The following RHBDF2 variants were observed in gnomAD, a reference collection of about 807,000 sequenced individuals.
The protein encoded by RHBDF2 is inactive rhomboid protein 2.
Under a neutral mutation model 95.2 loss-of-function variants are expected in RHBDF2, and 38 were observed. The observed-to-expected ratio is 0.40, with a 90% CI of 0.31 to 0.52. The LOEUF (loss-of-function observed/expected upper bound fraction) is 0.52, where lower values mean the gene tolerates loss of function less well. Among genes scored for constraint, RHBDF2 ranks in the 20% least tolerant of loss-of-function variants. The probability of loss-of-function intolerance (pLI) is 0.56; values close to 1 mark genes in which losing one functional copy is unlikely to be tolerated. For synonymous variants in RHBDF2, 442 were observed against 462.0 expected, an observed-to-expected ratio of 0.96 and a Z score of 0.55; for missense variants, 863 against 1,137.7, an observed-to-expected ratio of 0.76 and a Z score of 3.47.
chr17:76,480,837 C>T (rs946854320), intron 3 of RHBDF2, among the ~76,000 whole-genome samples: 4 of 152,204 alleles, frequency 2.6e-5, no homozygotes, highest in Non-Finnish European at 4.4e-5. Context: ...GAACGGGGGG[C>T]GTTAACATCG....
At chr17:76,484,887 T>G (rs4238991) in intron 2 of RHBDF2, among the ~76,000 whole-genome samples, 90,815 of 151,948 alleles carry the variant, frequency 0.6, 27,603 homozygotes, top group Middle Eastern at 0.75. Context: ...GCTGTCGGGT[T>G]AGTCACCTGA....
At chr17:76,485,875 C>T (rs1013836345) in intron 2 of RHBDF2, among the ~76,000 whole-genome samples, 1 of 152,100 alleles carries the variant, frequency 6.6e-6, no homozygotes, top group Non-Finnish European at 1.5e-5. Context: ...ATGGCCACCT[C>T]TGCATGAGTC....
chr17:76,472,406 T>A, intron 18 of RHBDF2: 1 of 580,570 alleles, frequency 1.7e-6, no homozygotes, highest in Non-Finnish European at 3.1e-6. Flanking sequence ...GGCCATTTCC[T>A]ACCGCTCGAC....
rs2073567365 is a variant in RHBDF2 at position 76,471,677 on chromosome 17, T to G, written c.2440A>C (p.Ser814Arg). 6.2e-7 allele frequency: 1 copy of G among 1,610,714 alleles called. No homozygotes were observed. Among genetic ancestry groups the G allele is most frequent in the Admixed American group, 1.7e-5 (1 of 59,746 alleles). The part of the protein sequence containing the change: ...IEHLTCFPFT[S>R]RFCEKYELDQ... ...AGCTCATACTTCTCGCAGAAGCGGC[T>G]GGTGAAGGGGAAGCAGGTGAGGTGC... The change falls in exon 19 of 19, where the codon AGC becomes CGC. Residue 814 changes from serine (S) to arginine (R), a missense_variant. This residue lies in a region of RHBDF2 where 252 missense variants were observed against 412.2 expected (regional missense o/e 0.61). Transcript: ENST00000675367.
intron 1 of RHBDF2, among the ~76,000 whole-genome samples, chr17:76,496,661 G>A (rs992322306): frequency 6.6e-6 from 1 of 152,168 alleles, no homozygotes; most frequent in Non-Finnish European, 1.5e-5. Context: ...TCATCCTCAC[G>A]GGCTGGCAAG....
chr17:76,473,404 C>T (rs1217169956), intron 15 of RHBDF2, 77 bp from the exon 16 acceptor site: 1 of 1,349,828 alleles, frequency 7.4e-7, no homozygotes, highest in Admixed American at 1.9e-5. Context: ...AGCCCAGCAC[C>T]TGGCTACAGG....
chr17:76,475,063 G>C lies in RHBDF2; in HGVS notation c.1194C>G (p.Pro398=). Residue 398 remains proline (P), a synonymous_variant, in exon 10 of 19, where the codon CCC becomes CCG. Transcript: ENST00000675367. ...TGGTGACGTGCTGGGCAAAGCCCAC[G>C]GGTGCGATGCCATACGTGCAAATCA... The part of the protein sequence containing the change: ...LLVICTYGIA[P]VGFAQHVTTQ... 6.3e-7 allele frequency: 1 copy of C among 1,595,708 alleles called. No individual in the cohort carries two copies. The highest frequency in any genetic ancestry group is 1.1e-5 in the South Asian group (1 of 87,840).
chr17:76,475,459 C>T (rs1027903887), intron 9 of RHBDF2, among the ~76,000 whole-genome samples: 1 of 152,230 alleles, frequency 6.6e-6, no homozygotes, highest in Non-Finnish European at 1.5e-5. Context: ...GCCCTTCCAG[C>T]CCCAGGGCCT....
chr17:76,479,637 G>T, intron 4 of RHBDF2, 96 bp downstream of exon 4: 1 of 926,034 alleles, frequency 1.1e-6, no homozygotes, highest in East Asian at 2.4e-5. Context: ...TCCTTCCAGA[G>T]AGGGGACGCA....
chr17:76,473,991 C>G (rs950733799), intron 13 of RHBDF2, 42 bp downstream of exon 13: 2 of 1,605,304 alleles, frequency 1.2e-6, no homozygotes, highest in Non-Finnish European at 1.7e-6. Context: ...GATGGCATGG[C>G]TATGCCTGAC....
chr17:76,475,342 C>G (rs1295030851), intron 9 of RHBDF2, among the ~76,000 whole-genome samples: 1 of 152,246 alleles, frequency 6.6e-6, no homozygotes, highest in Non-Finnish European at 1.5e-5. Context: ...TAGCTTTCCA[C>G]TGGCCTTGGG....
chr17:76,477,001 A>G lies in RHBDF2; in HGVS notation c.944T>C (p.Val315Ala). The G allele has an allele frequency of 6.2e-7, 1 of 1,613,764 alleles. No individual in the cohort carries two copies. Reference sequence around the variant, plus strand: ...GCGCTTGCCGCGCCGGGGCCCGGGGACTGGGGCTCGGCCATACTCCTTCCT... The same window carrying G: ...GCGCTTGCCGCGCCGGGGCCCGGGGGCTGGGGCTCGGCCATACTCCTTCCT... ...IPLKEYGRAP[V>A]PGPRRGKRIA... The change falls in exon 9 of 19, where the codon GTC (valine) becomes GCC (alanine). Residue 315 changes from valine to alanine, a missense_variant. Transcript: ENST00000675367.
chr17:76,477,921 G>A, intron 6 of RHBDF2, 136 bp from the exon 7 acceptor site: 2 of 1,360,648 alleles, frequency 1.5e-6, no homozygotes, highest in Non-Finnish European at 9.8e-7. Context: ...CCAAAGCGTG[G>A]AGATTCTGCA....
intron 1 of RHBDF2, among the ~76,000 whole-genome samples, chr17:76,497,995 G>A (rs2074470018): frequency 6.6e-6 from 1 of 152,168 alleles, no homozygotes; most frequent in Non-Finnish European, 1.5e-5. Flanking sequence ...AGTAGCTTTT[G>A]GACCACAAAC....
In RHBDF2 at chr17:76,480,029, GTGTGTGTGTGTGTT is replaced by G. The variant is rs2073904552; in HGVS notation, c.151-189_151-176del. 14 of 382,136 alleles carry G rather than the reference GTGTGTGTGTGTGTT, an allele frequency of 3.7e-5. No homozygotes were observed. In the South Asian group the frequency reaches 4.1e-4, roughly 11 times the overall value. 23.7% of individuals were successfully genotyped at this position (382,136 alleles called of 1,614,324 possible). The stretch of plus-strand genomic sequence containing the variant: ...ATAATGTGTGTGTGTGTGTGTGTGT[GTGTGTGTGTGTGTT>G]TGTATATGTATATATATATATATAT... On this transcript the variant is annotated intron_variant, in intron 3 of 18. Coordinates refer to ENST00000675367, the MANE Select transcript of RHBDF2 (RefSeq NM_001005498.4).
intron 3 of RHBDF2, among the ~76,000 whole-genome samples, chr17:76,481,100 A>G (rs2073949191): frequency 6.6e-6 from 1 of 152,192 alleles, no homozygotes; most frequent in Non-Finnish European, 1.5e-5. Context: ...AAATGAGAAC[A>G]GCCAGGGCCC....
At chr17:76,499,389 G>A (rs1475913043) in intron 1 of RHBDF2, among the ~76,000 whole-genome samples, 9 of 152,166 alleles carry the variant, frequency 5.9e-5, no homozygotes, top group African/African-American at 1.2e-4. Context: ...CCTCCTTGTT[G>A]CCAGAAAACT....
chr17:76,492,504 C>T (rs999562017), intron 1 of RHBDF2, among the ~76,000 whole-genome samples: 4 of 152,154 alleles, frequency 2.6e-5, no homozygotes, highest in Admixed American at 2.6e-4. Flanking sequence ...AGGGAGGTCC[C>T]CAACAGCTCT....
chr17:76,477,355 C>T (rs568428377), intron 7 of RHBDF2, 57 bp from the exon 8 acceptor site: 49 of 1,569,070 alleles, frequency 3.1e-5, no homozygotes, highest in Middle Eastern at 3.4e-4. Context: ...CACTGCCCCC[C>T]GGAACCTCAA....
Sources: allele counts gnomAD v4.1 joint callset (sites outside exome capture counted in the v4.1 genomes callset), GRCh38; gene constraint gnomAD v4.1.1; regional missense constraint gnomAD v4.1.1; transcripts MANE v1.5; gene names NCBI Gene and HGNC (gene_info 2026-07-23, HGNC 2026-07-21).